MAPKAPK5: variants seen among roughly 807,000 people sequenced by gnomAD.
MAPKAPK5 encodes the protein MAPK activated protein kinase 5.
MAPKAPK5 carries 30 observed loss-of-function variants against 65.1 expected under a neutral mutation model. That is an observed-to-expected ratio of 0.46 (90% CI 0.34 to 0.63). MAPKAPK5 has a LOEUF of 0.63. Among genes scored for constraint, MAPKAPK5 ranks in the 20% least tolerant of loss-of-function variants. The pLI, the probability that MAPKAPK5 is intolerant of heterozygous loss-of-function variation, is 0.01. For synonymous variants in MAPKAPK5, 179 were observed against 204.6 expected (o/e 0.87, Z 1.07); for missense variants, 433 against 581.4 (o/e 0.74, Z 2.63).
At chr12:111,884,947 A>G (rs1386877979) in intron 9 of MAPKAPK5, among the ~76,000 whole-genome samples, 1 of 152,216 alleles carries the variant, frequency 6.6e-6, no homozygotes, top group Admixed American at 6.5e-5. Context: ...ATAGACAAGT[A>G]CAAGTTTTTA....
In MAPKAPK5 at chr12:111,899,653, A is replaced by G. The variant is rs2070954063; in HGVS notation, c.*6592A>G. 1.3e-5 allele frequency: 4 copies of G among 297,498 alleles called. No individual in the cohort carries two copies. The highest frequency in any genetic ancestry group is 1.2e-4 in the South Asian group (4 of 32,836). 18.4% of individuals were successfully genotyped at this position (297,498 alleles called of 1,614,324 possible). Reference sequence around the variant, plus strand: ...AACTTTCCAGTCTACAGTTACCACAATGGCCTCCTGGGGCAAGAATCGCCT... The same window carrying G: ...AACTTTCCAGTCTACAGTTACCACAGTGGCCTCCTGGGGCAAGAATCGCCT... On this transcript the variant is annotated 3_prime_UTR_variant, in exon 14 of 14. Transcript: ENST00000550735.
At chr12:111,871,965 T>C (rs1324259010) in intron 7 of MAPKAPK5, among the ~76,000 whole-genome samples, 1 of 152,264 alleles carries the variant, frequency 6.6e-6, no homozygotes, top group East Asian at 1.9e-4. Flanking sequence ...TCATTTCTTT[T>C]GCTTAGCATG....
chr12:111,886,096 C>T (rs1195412162), intron 10 of MAPKAPK5, 60 bp downstream of exon 10: 28 of 1,611,802 alleles, frequency 1.7e-5, no homozygotes, highest in Non-Finnish European at 2.3e-5. Context: ...AATGCTGGGG[C>T]TTGGCTCAGT....
Position 111,890,106 on chromosome 12 carries a change from A to C in MAPKAPK5, c.1283A>C (p.Lys428Thr), listed in dbSNP as rs1218097652. 1 of 1,598,576 alleles carries C rather than the reference A, an allele frequency of 6.3e-7. No homozygotes were observed. The highest frequency in any genetic ancestry group is 1.1e-5 in the South Asian group (1 of 87,508). ...QEAWKYNREC[K>T]LLRDTLQSFS... ...GCTTGGAAGTATAACCGGGAATGCA[A>C]ACTCCTAAGAGATACTCTGCAGAGC... Residue 428 changes from lysine to threonine, a missense_variant, in exon 13 of 14, where the codon AAA becomes ACA. Coordinates refer to ENST00000550735, the MANE Select transcript of MAPKAPK5 (RefSeq NM_003668.4).
chr12:111,892,426 A>C (rs2070645210), intron 13 of MAPKAPK5, among the ~76,000 whole-genome samples: 3 of 152,118 alleles, frequency 2.0e-5, no homozygotes, highest in Non-Finnish European at 1.5e-5. Context: ...TGGTTACTTC[A>C]CGTCCACACC....
intron 7 of MAPKAPK5, among the ~76,000 whole-genome samples, chr12:111,871,750 C>T (rs2069792524): frequency 6.6e-6 from 1 of 152,156 alleles, no homozygotes; most frequent in African/African-American, 2.4e-5. Context: ...TGAGTTGTGA[C>T]AAATATATAC....
rs2070983012 is a variant in MAPKAPK5, at chr12:111,900,224, C to T, written c.*7163C>T. On this transcript the variant is annotated 3_prime_UTR_variant, in exon 14 of 14. Coordinates refer to ENST00000550735, the MANE Select transcript of MAPKAPK5 (RefSeq NM_003668.4). ...TCCATCGTGCAAAACACGATGTTGCCCACATGATCGTTGGGCATCACCCTG... is the reference window on the plus strand; with the variant it reads ...TCCATCGTGCAAAACACGATGTTGCTCACATGATCGTTGGGCATCACCCTG... The T allele has an allele frequency of 2.2e-6, 1 of 455,824 alleles. No homozygotes were observed. Among genetic ancestry groups the T allele is most frequent in the Non-Finnish European group, 4.4e-6 (1 of 226,782 alleles). 28.2% of individuals were successfully genotyped at this position (455,824 alleles called of 1,614,324 possible).
At chr12:111,860,612 C>T (rs1276830126) in intron 1 of MAPKAPK5, among the ~76,000 whole-genome samples, 1 of 152,094 alleles carries the variant, frequency 6.6e-6, no homozygotes, top group African/African-American at 2.4e-5. Flanking sequence ...GGAAAACTAG[C>T]ATTGTCACCA....
rs1274226182 is a variant in MAPKAPK5 at position 111,881,402 on chromosome 12, C to CTT, written c.660+875_660+876insTT. 8.9e-4 allele frequency among the ~76,000 whole-genome samples: 104 copies of CTT among 116,744 alleles called. 11 individuals carry two copies. In the East Asian group the frequency reaches 0.017, roughly 19 times the overall value. 76.6% of individuals were successfully genotyped at this position (116,744 alleles called of 152,430 possible). A position where few individuals can be genotyped will look rare whatever the true frequency, so the allele number is the denominator to read the frequency against. ...AGCCCACATATTGATCCTGTCTGTT[C>CTT]CTTTTTTTTTTTTTTTTTTTGAGAC... is the stretch of plus-strand genomic sequence containing the variant. On this transcript the variant is annotated intron_variant, in intron 8 of 13. Transcript: ENST00000550735.
At position 111,888,994 on chromosome 12, in the gene MAPKAPK5, C is replaced by A. The variant is rs1234923809; in HGVS notation, c.1210C>A (p.Gln404Lys). ...RDVIAQCILP[Q>K]AGENEDEKLN... ...TGTGATTGCTCAGTGTATTCTCCCCCAGGCTGGTAAAGGTCACACCATTTA... is the reference window on the plus strand; with the variant it reads ...TGTGATTGCTCAGTGTATTCTCCCCAAGGCTGGTAAAGGTCACACCATTTA... The change falls in exon 12 of 14, where the codon CAG becomes AAG. Residue 404 changes from glutamine (Q) to lysine (K), a missense_variant. Coordinates refer to ENST00000550735, the MANE Select transcript of MAPKAPK5 (RefSeq NM_003668.4). 1.3e-6 allele frequency: 2 copies of A among 1,577,596 alleles called. No homozygotes were observed. Among genetic ancestry groups the A allele is most frequent in the Non-Finnish European group, 1.7e-6 (2 of 1,161,106 alleles).
At chr12:111,892,582 A>G (rs2070651404) in intron 13 of MAPKAPK5, among the ~76,000 whole-genome samples, 1 of 152,022 alleles carries the variant, frequency 6.6e-6, no homozygotes, top group Non-Finnish European at 1.5e-5. Context: ...GGCCAGTTAG[A>G]TTTCCTCTTT....
At chr12:111,887,814 T>TACACACACACACACACACAC (rs58382752) in intron 10 of MAPKAPK5, 1 of 144,984 alleles carries the variant, frequency 6.9e-6, no homozygotes, top group African/African-American at 2.6e-5. Context: ...TTTTCTGGGA[T>TACACACACACACACACACAC]ACACACACAC....
At position 111,900,217 on chromosome 12, in the gene MAPKAPK5, A is replaced by G. The variant is rs117281682; in HGVS notation, c.*7156A>G. 5 of 455,910 alleles carry G rather than the reference A, an allele frequency of 1.1e-5. No individual in the cohort carries two copies. The highest frequency in any genetic ancestry group is 8.0e-5 in the African/African-American group (4 of 50,044). 28.2% of individuals were successfully genotyped at this position (455,910 alleles called of 1,614,324 possible). ...ATGCTCTTCCATCGTGCAAAACACG[A>G]TGTTGCCCACATGATCGTTGGGCAT... On this transcript the variant is annotated 3_prime_UTR_variant, in exon 14 of 14. Coordinates refer to ENST00000550735, the MANE Select transcript of MAPKAPK5 (RefSeq NM_003668.4).
At chr12:111,889,331 G>A (rs2070522395) in intron 12 of MAPKAPK5, 2 of 255,596 alleles carry the variant, frequency 7.8e-6, no homozygotes, top group Admixed American at 4.9e-5. Context: ...GATGGAGAAT[G>A]GAAAATGTGG....
rs373700402 is a variant in MAPKAPK5, at chr12:111,880,435, G to C, written c.580-12G>C. ...TTCATTAAATGGTCCCCTTTGGTCT[G>C]ACTCTTGACAGGTACTGGAGGCGCA... On this transcript the variant is annotated splice_polypyrimidine_tract_variant and intron_variant, in intron 7 of 13. Coordinates refer to ENST00000550735, the MANE Select transcript of MAPKAPK5 (RefSeq NM_003668.4). 3 of 1,612,486 alleles carry C rather than the reference G, an allele frequency of 1.9e-6. No individual in the cohort carries two copies. In the African/African-American group the frequency reaches 4.0e-5, roughly 22 times the overall value.
chr12:111,857,031 A>C (rs1324077887), intron 1 of MAPKAPK5, among the ~76,000 whole-genome samples: 1 of 152,126 alleles, frequency 6.6e-6, no homozygotes, highest in African/African-American at 2.4e-5. Flanking sequence ...CTTTGGGTTA[A>C]AATTGACTAA....
At position 111,900,152 on chromosome 12, in the gene MAPKAPK5, G is replaced by A. The variant is rs763123391; in HGVS notation, c.*7091G>A. On this transcript the variant is annotated 3_prime_UTR_variant, in exon 14 of 14. Transcript: ENST00000550735. ...ACCTAATAGATGTCACAGTGGACTTGCAAATCACACTCAGGAATTTCAATC... is the reference window on the plus strand; with the variant it reads ...ACCTAATAGATGTCACAGTGGACTTACAAATCACACTCAGGAATTTCAATC... 1 of 456,022 alleles carries A rather than the reference G, an allele frequency of 2.2e-6. No individual in the cohort carries two copies. The highest frequency in any genetic ancestry group is 1.5e-5 in the South Asian group (1 of 64,548). 28.2% of individuals were successfully genotyped at this position (456,022 alleles called of 1,614,324 possible). A position where few individuals can be genotyped will look rare whatever the true frequency, so the allele number is the denominator to read the frequency against.
chr12:111,889,099 A>G, intron 12 of MAPKAPK5, 99 bp downstream of exon 12: 3 of 1,325,582 alleles, frequency 2.3e-6, no homozygotes, highest in Non-Finnish European at 3.1e-6. Flanking sequence ...GGAATGGTTT[A>G]ATTTTGGGTT....
intron 13 of MAPKAPK5, among the ~76,000 whole-genome samples, chr12:111,891,637 C>CAAAAAAAAAAAA (rs78504500): frequency 1.2e-5 from 1 of 86,222 alleles, no homozygotes; most frequent in African/African-American, 4.1e-5. Flanking sequence ...ACTAAAAATA[C>CAAAAAAAAAAAA]AAAAAAAAAA....
Sources: gnomAD v4.1 joint callset for allele counts (sites outside exome capture counted in the v4.1 genomes callset) on GRCh38, gnomAD v4.1.1 for gene constraint, MANE v1.5 for transcripts, NCBI Gene and HGNC (gene_info 2026-07-23, HGNC 2026-07-21) for gene names.